ACER3: variants seen among roughly 807,000 people sequenced by gnomAD.
ACER3 encodes the protein alkCDase 3.
In ACER3, 16 loss-of-function variants were observed where a neutral mutation model predicts 48.9. The ratio of observed to expected loss-of-function variants is 0.33; its 90% CI spans 0.22 to 0.50. ACER3 has a LOEUF of 0.50. ACER3 is among the 20% of genes least tolerant of loss of function. The pLI is 0.98. For synonymous variants in ACER3, 109 were observed against 107.8 expected (o/e 1.01, Z -0.07); for missense variants, 227 against 326.0 (o/e 0.70, Z 2.34).
intron 1 of ACER3, among the ~76,000 whole-genome samples, chr11:76,878,579 A>G (rs1350962432): frequency 6.6e-6 from 1 of 152,010 alleles, no homozygotes; most frequent in Admixed American, 6.5e-5. Flanking sequence ...CTGTTTTCCT[A>G]TTGACAGATA....
At chr11:76,976,161 A>G (rs1948438333) in intron 3 of ACER3, 128 bp from the exon 4 acceptor site, 1 of 708,364 alleles carries the variant, frequency 1.4e-6, no homozygotes, top group African/African-American at 1.8e-5. Flanking sequence ...TGCTGGGATT[A>G]CAGGTGTGAG....
chr11:76,870,368 A>G (rs1945212483), intron 1 of ACER3, among the ~76,000 whole-genome samples: 1 of 152,094 alleles, frequency 6.6e-6, no homozygotes, highest in East Asian at 1.9e-4. Context: ...TCCTGGGCTC[A>G]AGTGATCCTC....
intron 1 of ACER3, among the ~76,000 whole-genome samples, chr11:76,892,911 A>C (rs1945843508): frequency 6.6e-6 from 1 of 152,176 alleles, no homozygotes. Flanking sequence ...TATATAGAAA[A>C]ACCTGAAGAC....
At chr11:76,926,411 A>T (rs1946831154) in intron 1 of ACER3, 146 bp from the exon 2 acceptor site, 2 of 451,034 alleles carry the variant, frequency 4.4e-6, no homozygotes, top group Non-Finnish European at 7.7e-6. Flanking sequence ...GTGAGTACAG[A>T]ATTTTTTTTC....
intron 2 of ACER3, among the ~76,000 whole-genome samples, chr11:76,927,657 T>C (rs1946867655): frequency 6.6e-6 from 1 of 151,758 alleles, no homozygotes; most frequent in South Asian, 2.1e-4. Flanking sequence ...CCCCACCCTG[T>C]GTCCAAGTGT....
At chr11:76,988,497 A>G (rs1948731336) in intron 5 of ACER3, among the ~76,000 whole-genome samples, 2 of 152,192 alleles carry the variant, frequency 1.3e-5, no homozygotes, top group Non-Finnish European at 1.5e-5. Context: ...AGGAGAAAGA[A>G]GTGCAGAGCG....
intron 1 of ACER3, among the ~76,000 whole-genome samples, chr11:76,896,037 G>C (rs1029173937): frequency 6.6e-6 from 1 of 152,116 alleles, no homozygotes; most frequent in Admixed American, 6.5e-5. Context: ...CACCAACTAA[G>C]ACCTGGGAAA....
intron 1 of ACER3, among the ~76,000 whole-genome samples, chr11:76,879,250 A>T (rs1945464447): frequency 6.6e-6 from 1 of 152,056 alleles, no homozygotes; most frequent in South Asian, 2.1e-4. Context: ...CTTTATAGTT[A>T]ATTGCTTTAT....
intron 3 of ACER3, among the ~76,000 whole-genome samples, chr11:76,969,526 C>T (rs1330124702): frequency 6.6e-6 from 1 of 151,792 alleles, no homozygotes; most frequent in African/African-American, 2.4e-5. Flanking sequence ...TTCACAATAG[C>T]AAAGACTTGG....
At chr11:76,954,217 G>T (rs1947771623) in intron 2 of ACER3, among the ~76,000 whole-genome samples, 1 of 152,124 alleles carries the variant, frequency 6.6e-6, no homozygotes, top group Non-Finnish European at 1.5e-5. Context: ...AAAGTGCTGG[G>T]ATTATAGGTG....
intron 3 of ACER3, among the ~76,000 whole-genome samples, chr11:76,968,941 A>G (rs1948218218): frequency 6.6e-6 from 1 of 152,242 alleles, no homozygotes; most frequent in African/African-American, 2.4e-5. Flanking sequence ...AAGTTGACAA[A>G]TGGGATCTAA....
intron 1 of ACER3, among the ~76,000 whole-genome samples, chr11:76,871,004 T>C (rs1945228832): frequency 6.6e-6 from 1 of 152,222 alleles, no homozygotes; most frequent in Non-Finnish European, 1.5e-5. Flanking sequence ...TTACAACGAC[T>C]CTTAACTTAG....
chr11:76,914,669 C>T (rs1330694756), intron 1 of ACER3, among the ~76,000 whole-genome samples: 1 of 152,116 alleles, frequency 6.6e-6, no homozygotes, highest in Non-Finnish European at 1.5e-5. Context: ...CTAGAAATAC[C>T]ATTTGACCCA....
intron 3 of ACER3, among the ~76,000 whole-genome samples, chr11:76,967,436 G>A (rs553357669): frequency 6.6e-6 from 1 of 152,168 alleles, no homozygotes; most frequent in South Asian, 2.1e-4. Flanking sequence ...GAAAAAGAGG[G>A]AATCCTCCCT....
intron 1 of ACER3, among the ~76,000 whole-genome samples, chr11:76,889,311 G>GT (rs1416050177): frequency 2.6e-5 from 4 of 151,448 alleles, no homozygotes; most frequent in East Asian, 1.9e-4. Context: ...AGTACTTTGA[G>GT]TTTTTTTTGG....
chr11:76,941,012 A>AACACAC lies in ACER3; in HGVS notation c.214+14368_214+14373dup, dbSNP rs370121849. On this transcript the variant is annotated intron_variant, in intron 2 of 10. Coordinates refer to ENST00000532485, the MANE Select transcript of ACER3 (RefSeq NM_018367.7). ...TCCCCACCAAATATGTGTGTGTATA[A>AACACAC]ACACACACACACACACACACACACA... is the stretch of plus-strand genomic sequence containing the variant. 5.3e-3 allele frequency among the ~76,000 whole-genome samples: 776 copies of AACACAC among 146,286 alleles called. 4 individuals carry two copies. The highest frequency in any genetic ancestry group is 7.4e-3 in the Admixed American group (108 of 14,608).
chr11:76,937,873 A>G (rs1198305965), intron 2 of ACER3, among the ~76,000 whole-genome samples: 1 of 152,378 alleles, frequency 6.6e-6, no homozygotes, highest in South Asian at 2.1e-4. Flanking sequence ...ATTATTACAT[A>G]TCCTCAATCT....
intron 3 of ACER3, among the ~76,000 whole-genome samples, chr11:76,961,991 A>G (rs1948006474): frequency 6.6e-6 from 1 of 150,506 alleles, no homozygotes; most frequent in Non-Finnish European, 1.5e-5. Flanking sequence ...TCAAAATTAT[A>G]TGTGTTAATG....
chr11:76,934,405 A>G (rs1309014686), intron 2 of ACER3, among the ~76,000 whole-genome samples: 1 of 152,236 alleles, frequency 6.6e-6, no homozygotes, highest in East Asian at 1.9e-4. Flanking sequence ...ACCATTGAGC[A>G]CTGAGTGAAC....
Sources: gnomAD v4.1 joint callset for allele counts (sites outside exome capture counted in the v4.1 genomes callset) on GRCh38, gnomAD v4.1.1 for gene constraint, MANE v1.5 for transcripts, NCBI Gene and HGNC (gene_info 2026-07-23, HGNC 2026-07-21) for gene names.